Variants in AKAP12 observed in about 807,000 individuals in gnomAD.
The protein encoded by AKAP12 is A-kinase anchor protein 12.
A neutral mutation model predicts 79.9 loss-of-function variants in AKAP12; 32 were observed. That is an observed-to-expected ratio of 0.40 (90% CI 0.30 to 0.54). The LOEUF is 0.54. AKAP12 is among the 20% of genes least tolerant of loss of function. The probability of loss-of-function intolerance (pLI) is 0.48; values close to 1 mark genes in which losing one functional copy is unlikely to be tolerated. For synonymous variants in AKAP12, 808 were observed against 857.0 expected (o/e 0.94, Z 1.00); for missense variants, 2,074 against 2,177.0 (o/e 0.95, Z 0.94).
At chr6:151,278,301 C>T (rs1303982506) in intron 2 of AKAP12, among the ~76,000 whole-genome samples, 2 of 151,722 alleles carry the variant, frequency 1.3e-5, no homozygotes, top group South Asian at 2.1e-4. Context: ...CTGCAGGCTT[C>T]GCCTCCTGGG....
At chr6:151,330,037 T>C (rs1039092437) in intron 3 of AKAP12, among the ~76,000 whole-genome samples, 3 of 152,210 alleles carry the variant, frequency 2.0e-5, no homozygotes, top group Non-Finnish European at 4.4e-5. Context: ...AGACCAGGGA[T>C]TGGGACTGGG....
rs1029448790 is a variant in AKAP12 at position 151,259,844 on chromosome 6, C to T, written c.162+19120C>T. Reference sequence around the variant, plus strand: ...CACCTGCCTCAGCCTCCCAAAGCGCCGGGATTACAGGCATGAGCCACTGCA... The same window carrying T: ...CACCTGCCTCAGCCTCCCAAAGCGCTGGGATTACAGGCATGAGCCACTGCA... On this transcript the variant is annotated intron_variant, in intron 2 of 4. Transcript: ENST00000402676. Among the ~76,000 whole-genome samples the T allele has an allele frequency of 4.6e-5, 7 of 151,494 alleles. No individual in the cohort carries two copies. In the South Asian group the frequency reaches 8.3e-4, roughly 18 times the overall value.
chr6:151,340,162 T>C (rs534257849), intron 3 of AKAP12, among the ~76,000 whole-genome samples: 90 of 151,922 alleles, frequency 5.9e-4, no homozygotes, highest in African/African-American at 2.1e-3. Context: ...CTTGAACTCA[T>C]GATCTCATGA....
chr6:151,265,281 T>C (rs1797530756), intron 2 of AKAP12, among the ~76,000 whole-genome samples: 1 of 152,118 alleles, frequency 6.6e-6, no homozygotes, highest in Non-Finnish European at 1.5e-5. Flanking sequence ...TTTACCCCTT[T>C]AAAGTGTACA....
rs550489754 is a variant in AKAP12, at chr6:151,332,154, A to C, written c.320-16557A>C. On this transcript the variant is annotated intron_variant, in intron 3 of 4. Transcript: ENST00000402676. ...CAGGTTCAAATGATTCTCCTGCCTC[A>C]GCCTCCTGAGTAGCTGGGATTACAG... 4.0e-5 allele frequency among the ~76,000 whole-genome samples: 6 copies of C among 149,324 alleles called. No homozygotes were observed. The East Asian group carries it at 1.0e-3, about 26-fold the overall frequency.
At chr6:151,260,860 T>G (rs1797413416) in intron 2 of AKAP12, among the ~76,000 whole-genome samples, 1 of 151,950 alleles carries the variant, frequency 6.6e-6, no homozygotes, top group Admixed American at 6.6e-5. Context: ...AGTGTGGTGG[T>G]GCGCACCTGT....
chr6:151,273,691 T>C (rs994619518), intron 2 of AKAP12, among the ~76,000 whole-genome samples: 26 of 152,164 alleles, frequency 1.7e-4, no homozygotes, highest in African/African-American at 5.1e-4. Flanking sequence ...GTAGACATAT[T>C]TAATGGAAAA....
intron 2 of AKAP12, among the ~76,000 whole-genome samples, chr6:151,245,656 C>CCAAAAAA (rs1797058691): frequency 1.0e-5 from 1 of 99,140 alleles, no homozygotes; most frequent in Non-Finnish European, 1.9e-5. Flanking sequence ...GACTCCGTCT[C>CCAAAAAA]AAAAAAAAAA....
chr6:151,268,168 T>C (rs1370642939), intron 2 of AKAP12, among the ~76,000 whole-genome samples: 2 of 152,198 alleles, frequency 1.3e-5, no homozygotes, highest in African/African-American at 2.4e-5. Context: ...ATCCCAGCAC[T>C]TCGGGAAGCG....
intron 3 of AKAP12, among the ~76,000 whole-genome samples, chr6:151,344,276 A>C (rs1429011061): frequency 6.6e-6 from 1 of 152,186 alleles, no homozygotes; most frequent in East Asian, 1.9e-4. Context: ...AGCCTTGCTG[A>C]TTATCGAAGC....
intron 2 of AKAP12, among the ~76,000 whole-genome samples, chr6:151,293,970 G>T (rs1562724891): frequency 6.7e-6 from 1 of 149,538 alleles, no homozygotes; most frequent in Non-Finnish European, 1.5e-5. Flanking sequence ...CAACCTTGGA[G>T]TTCTTCTTCT....
At chr6:151,300,903 A>G (rs1380088082) in intron 2 of AKAP12, among the ~76,000 whole-genome samples, 2 of 152,190 alleles carry the variant, frequency 1.3e-5, no homozygotes, top group Non-Finnish European at 2.9e-5. Flanking sequence ...GGTGCTTACC[A>G]TGTTTAAGTG....
chr6:151,338,602 C>CCCA (rs1479508742), intron 3 of AKAP12, among the ~76,000 whole-genome samples: 1 of 152,020 alleles, frequency 6.6e-6, no homozygotes. Flanking sequence ...ACTACAGGCA[C>CCCA]CCACCACCAC....
chr6:151,278,462 C>T (rs1203108660), intron 2 of AKAP12, among the ~76,000 whole-genome samples: 1 of 152,144 alleles, frequency 6.6e-6, no homozygotes, highest in African/African-American at 2.4e-5. Flanking sequence ...GTGATCCTCC[C>T]TCCTTGGCCT....
At chr6:151,345,930 T>TGAGAGAGAGAGAGAGA (rs1419080142) in intron 3 of AKAP12, among the ~76,000 whole-genome samples, 8 of 108,820 alleles carry the variant, frequency 7.4e-5, no homozygotes, top group African/African-American at 2.7e-4. Context: ...TGTGTGTGTG[T>TGAGAGAGAGAGAGAGA]GTGAGAGAGA....
chr6:151,289,733 C>T (rs1776575273), intron 2 of AKAP12, among the ~76,000 whole-genome samples: 1 of 152,208 alleles, frequency 6.6e-6, no homozygotes, highest in African/African-American at 2.4e-5. Flanking sequence ...CTAGGCTGGC[C>T]TGTAAGAAAA....
At chr6:151,315,932 C>G (rs1041322519) in intron 3 of AKAP12, among the ~76,000 whole-genome samples, 1 of 152,164 alleles carries the variant, frequency 6.6e-6, no homozygotes, top group Non-Finnish European at 1.5e-5. Context: ...AGAACTCACT[C>G]ACTATCATGA....
intron 3 of AKAP12, chr6:151,324,994 C>G: frequency 1.0e-6 from 1 of 985,470 alleles, no homozygotes; most frequent in Non-Finnish European, 1.2e-6. Flanking sequence ...AGTTAGCTAA[C>G]TTCTGCCATT....
chr6:151,240,734 T>G lies in AKAP12; in HGVS notation c.162+10T>G. ...GGACCCCGCCACCAAGGTACGGGCG[T>G]GCCGGGCCACCTGCGCCGGGAGGCG... On this transcript the variant is annotated intron_variant, in intron 2 of 4. Coordinates refer to ENST00000402676, the MANE Select transcript of AKAP12 (RefSeq NM_005100.4). The G allele has an allele frequency of 1.1e-6, 1 of 944,984 alleles. No homozygotes were observed. Among genetic ancestry groups the G allele is most frequent in the African/African-American group, 2.0e-5 (1 of 49,918 alleles). The allele number at this position is 944,984 out of a possible 1,614,324, so 58.5% of individuals were successfully genotyped here.
Sources: gnomAD v4.1 joint callset for allele counts (sites outside exome capture counted in the v4.1 genomes callset) on GRCh38, gnomAD v4.1.1 for gene constraint, MANE v1.5 for transcripts, NCBI Gene and HGNC (gene_info 2026-07-23, HGNC 2026-07-21) for gene names.